ZNF85: variants seen among roughly 807,000 people sequenced by gnomAD.
ZNF85 encodes zinc finger protein 85, also known as zinc finger protein 85 (HPF4, HTF1).
ZNF85 carries 50 observed loss-of-function variants against 53.9 expected under a neutral mutation model. The observed-to-expected ratio is 0.93, with a 90% confidence interval of 0.74 to 1.17. The LOEUF (loss-of-function observed/expected upper bound fraction) is 1.17, where lower values mean the gene tolerates loss of function less well. Among genes scored for constraint, ZNF85 ranks in the 50% most tolerant of loss-of-function variants. The pLI is 0.00. For synonymous variants in ZNF85, 225 were observed against 226.1 expected (o/e 1.00, Z 0.04); for missense variants, 747 against 688.5 (o/e 1.08, Z -0.95).
chr19:20,933,266 CAG>C (rs1259054261), intron 1 of ZNF85, among the ~76,000 whole-genome samples: 1 of 151,534 alleles, frequency 6.6e-6, no homozygotes, highest in African/African-American at 2.4e-5. Flanking sequence ...AGCTCTCTGA[CAG>C]ATTTTGTCAC....
At chr19:20,943,716 C>T (rs1599444371) in intron 3 of ZNF85, 1 of 151,990 alleles carries the variant, frequency 6.6e-6, no homozygotes, top group East Asian at 1.9e-4. Flanking sequence ...TATTATGTTG[C>T]TATGTATTTC....
chr19:20,924,766 A>G (rs35713135), intron 1 of ZNF85, among the ~76,000 whole-genome samples: 2 of 152,156 alleles, frequency 1.3e-5, no homozygotes, highest in Non-Finnish European at 2.9e-5. Context: ...AATATTTCCC[A>G]TGAGAAGAAA....
At chr19:20,933,020 C>T (rs1476628559) in intron 1 of ZNF85, among the ~76,000 whole-genome samples, 1 of 141,306 alleles carries the variant, frequency 7.1e-6, no homozygotes, top group African/African-American at 2.7e-5. Context: ...CCCGTCTCTA[C>T]TAAAAATACA....
intron 3 of ZNF85, among the ~76,000 whole-genome samples, chr19:20,945,967 C>G (rs1973409317): frequency 6.6e-6 from 1 of 151,470 alleles, no homozygotes; most frequent in Non-Finnish European, 1.5e-5. Flanking sequence ...ATGTTTTCAG[C>G]TTTATACTTA....
chr19:20,938,876 GTATATA>G (rs140643694), intron 3 of ZNF85, among the ~76,000 whole-genome samples: 7 of 140,472 alleles, frequency 5.0e-5, no homozygotes, highest in African/African-American at 1.6e-4. Flanking sequence ...GTGTGTGTGT[GTATATA>G]TATGTGTGTG....
chr19:20,926,726 C>A (rs977999354), intron 1 of ZNF85: 10 of 152,078 alleles, frequency 6.6e-5, no homozygotes, highest in African/African-American at 2.4e-4. Context: ...TGGGGCCCCA[C>A]AGGCAGATGC....
chr19:20,949,214 G>A lies in ZNF85; in HGVS notation c.700G>A (p.Glu234Lys). The A allele has an allele frequency of 6.2e-7, 1 of 1,613,192 alleles. No individual in the cohort carries two copies. The highest frequency in any genetic ancestry group is 1.1e-5 in the South Asian group (1 of 91,040). ...GGGAGAGAAACCTTACAAATGTGAA[G>A]AATGTGGTAAAGCCTTTAACCAGTC... is the stretch of plus-strand genomic sequence containing the variant. ...HTGEKPYKCE[E>K]CGKAFNQSSN... The change falls in exon 4 of 4, where the codon GAA becomes AAA. Residue 234 changes from glutamate to lysine, a missense_variant. By Grantham distance (56) the Glu-to-Lys change is moderately conservative. Transcript: ENST00000328178.
intron 1 of ZNF85, among the ~76,000 whole-genome samples, chr19:20,933,606 G>C (rs1383242744): frequency 3.3e-5 from 5 of 151,966 alleles, no homozygotes; most frequent in Admixed American, 3.3e-4. Context: ...CCAGTTTATT[G>C]TACACATTAA....
chr19:20,928,947 G>A (rs1456835346), intron 1 of ZNF85, among the ~76,000 whole-genome samples: 6 of 152,026 alleles, frequency 3.9e-5, no homozygotes, highest in East Asian at 1.9e-4. Context: ...ATTGTGTCAC[G>A]GGGGTTTGGT....
chr19:20,931,148 T>C (rs1383385703), intron 1 of ZNF85, among the ~76,000 whole-genome samples: 1 of 152,240 alleles, frequency 6.6e-6, no homozygotes, highest in Non-Finnish European at 1.5e-5. Flanking sequence ...GAACCTGTGC[T>C]GTGCCTGCTT....
intron 3 of ZNF85, chr19:20,943,789 T>C (rs562280643): frequency 6.6e-6 from 1 of 152,180 alleles, no homozygotes; most frequent in East Asian, 1.9e-4. Context: ...TATATACATA[T>C]ACACATAAAT....
At chr19:20,945,694 A>ACGCT (rs1973402681) in intron 3 of ZNF85, 1 of 152,194 alleles carries the variant, frequency 6.6e-6, no homozygotes, top group African/African-American at 2.4e-5. Context: ...CATGTTGGAC[A>ACGCT]CGCTGGTCTC....
chr19:20,928,617 A>G (rs1014539556), intron 1 of ZNF85: 2 of 152,326 alleles, frequency 1.3e-5, no homozygotes, highest in African/African-American at 4.8e-5. Flanking sequence ...TCACCACAGC[A>G]TTGTGGATCC....
chr19:20,924,147 G>A (rs970860269), intron 1 of ZNF85, among the ~76,000 whole-genome samples: 1 of 151,938 alleles, frequency 6.6e-6, no homozygotes, highest in Non-Finnish European at 1.5e-5. Flanking sequence ...TTAAAAAGTG[G>A]TTCAAGTATT....
At chr19:20,946,709 G>A (rs1973431210) in intron 3 of ZNF85, among the ~76,000 whole-genome samples, 1 of 151,928 alleles carries the variant, frequency 6.6e-6, no homozygotes, top group South Asian at 2.1e-4. Flanking sequence ...TATAAAATAT[G>A]ACAGTTTTAA....
intron 1 of ZNF85, chr19:20,926,831 C>T (rs1472543919): frequency 6.6e-6 from 1 of 151,486 alleles, no homozygotes; most frequent in Non-Finnish European, 1.5e-5. Context: ...TAAAATAAAA[C>T]AAAGTTAGAT....
chr19:20,942,195 C>G (rs1482749270), intron 3 of ZNF85, among the ~76,000 whole-genome samples: 1 of 151,034 alleles, frequency 6.6e-6, no homozygotes, highest in Non-Finnish European at 1.5e-5. Context: ...GAGACAGAGT[C>G]TCTCACTGTT....
intron 1 of ZNF85, among the ~76,000 whole-genome samples, chr19:20,930,742 A>G (rs961832148): frequency 2.0e-5 from 3 of 152,178 alleles, no homozygotes; most frequent in African/African-American, 7.2e-5. Context: ...ATGAGCCAGC[A>G]AAGAATATGA....
chr19:20,941,833 T>C (rs974503228), intron 3 of ZNF85, among the ~76,000 whole-genome samples: 2 of 152,238 alleles, frequency 1.3e-5, no homozygotes, highest in African/African-American at 2.4e-5. Context: ...TTTTCTTTGT[T>C]GCTCATGCGT....
Sources: gnomAD v4.1 joint callset for allele counts (sites outside exome capture counted in the v4.1 genomes callset) on GRCh38, gnomAD v4.1.1 for gene constraint, MANE v1.5 for transcripts, NCBI Gene and HGNC (gene_info 2026-07-23, HGNC 2026-07-21) for gene names.